Variants in PSAP observed in about 807,000 individuals in gnomAD.
PSAP encodes precursor of saposins.
PSAP carries 25 observed loss-of-function variants against 66.0 expected under a neutral mutation model. The observed-to-expected ratio is 0.38, with a 90% CI of 0.28 to 0.53. The LOEUF (loss-of-function observed/expected upper bound fraction) is 0.53, where lower values mean the gene tolerates loss of function less well. Ranked by LOEUF, PSAP falls within the 20% of genes least tolerant of loss-of-function variation. PSAP has a pLI of 0.83. For missense variants in PSAP, 649 were observed against 668.8 expected (o/e 0.97, Z 0.33); for synonymous variants, 273 against 258.9 (o/e 1.05, Z -0.52).
intron 1 of PSAP, among the ~76,000 whole-genome samples, chr10:71,835,321 G>C (rs1051234697): frequency 2.0e-5 from 3 of 152,112 alleles, no homozygotes; most frequent in African/African-American, 7.2e-5. Context: ...GGTGGCTCAT[G>C]CCTATAATCT....
intron 7 of PSAP, 183 bp downstream of exon 7, chr10:71,825,654 C>T (rs796333720): frequency 1.6e-5 from 11 of 699,354 alleles, no homozygotes; most frequent in African/African-American, 8.7e-5. Context: ...CTGCCTCTCC[C>T]GTAACAGGGG....
chr10:71,848,120 AAG>A (rs1257153036), intron 1 of PSAP, among the ~76,000 whole-genome samples: 1 of 152,152 alleles, frequency 6.6e-6, no homozygotes, highest in African/African-American at 2.4e-5. Context: ...CCATTTGTAA[AAG>A]ATCGAAACTG....
At chr10:71,821,452 T>G (rs557320277) in intron 8 of PSAP, among the ~76,000 whole-genome samples, 1 of 152,210 alleles carries the variant, frequency 6.6e-6, no homozygotes, top group Non-Finnish European at 1.5e-5. Context: ...GACACCCACA[T>G]GTACTTAGTA....
intron 1 of PSAP, among the ~76,000 whole-genome samples, chr10:71,849,624 AAAAC>A (rs200590803): frequency 0.018 from 2,698 of 152,114 alleles, 78 homozygotes; most frequent in African/African-American, 0.06. Context: ...ACAAACAAAC[AAAAC>A]AAACAAACAA....
intron 7 of PSAP, 130 bp downstream of exon 7, chr10:71,825,707 T>A: frequency 1.2e-6 from 1 of 827,908 alleles, no homozygotes; most frequent in Middle Eastern, 2.2e-4. Flanking sequence ...GCCAGAGGGG[T>A]CGATTTAGCC....
intron 7 of PSAP, among the ~76,000 whole-genome samples, chr10:71,824,353 G>A (rs1301775290): frequency 1.3e-5 from 2 of 152,174 alleles, no homozygotes; most frequent in Admixed American, 1.3e-4. Flanking sequence ...TCCCTGAGGG[G>A]TAAGGGATCC....
chr10:71,819,976 A>G, intron 9 of PSAP, 76 bp from the exon 10 acceptor site: 1 of 1,275,250 alleles, frequency 7.8e-7, no homozygotes, highest in Non-Finnish European at 1.1e-6. Context: ...AAATACTAAC[A>G]TGGCCAGGAA....
rs183512475 is a variant in PSAP at position 71,821,794 on chromosome 10, A to G, written c.909+82T>C. On this transcript the variant is annotated intron_variant, in intron 8 of 13. Transcript: ENST00000394936. ...GGCAGGGAACCGAAAGAAACAAGTG[A>G]CTCGTAAGATGTGATGTGACACAGC... 20 of 1,585,460 alleles carry G rather than the reference A, an allele frequency of 1.3e-5. No homozygotes were observed. In the Admixed American group the frequency reaches 1.9e-4, roughly 15 times the overall value.
At chr10:71,823,050 C>T (rs1475184374) in intron 7 of PSAP, among the ~76,000 whole-genome samples, 1 of 151,604 alleles carries the variant, frequency 6.6e-6, no homozygotes, top group African/African-American at 2.4e-5. Flanking sequence ...AGGTATAGGG[C>T]TGCTTCTGCC....
chr10:71,832,107 G>A (rs1025954355), intron 2 of PSAP, among the ~76,000 whole-genome samples, 187 bp from the exon 3 acceptor site: 1 of 152,154 alleles, frequency 6.6e-6, no homozygotes, highest in Non-Finnish European at 1.5e-5. Flanking sequence ...GGGAAGAGGT[G>A]TGACTCACCA....
chr10:71,843,177 G>C (rs6480561), intron 1 of PSAP, among the ~76,000 whole-genome samples: 68,020 of 151,906 alleles, frequency 0.45, 16,438 homozygotes, highest in Middle Eastern at 0.57. Context: ...CGAATGCACA[G>C]AGAGGAAGCC....
At chr10:71,820,815 G>A (rs2133033939) in intron 8 of PSAP, among the ~76,000 whole-genome samples, 1 of 152,294 alleles carries the variant, frequency 6.6e-6, no homozygotes, top group East Asian at 1.9e-4. Context: ...ATGCTCTTCT[G>A]GAACCCACCT....
chr10:71,823,565 T>A (rs1842345261), intron 7 of PSAP, among the ~76,000 whole-genome samples: 1 of 152,206 alleles, frequency 6.6e-6, no homozygotes, highest in Non-Finnish European at 1.5e-5. Context: ...AGGCACCTCC[T>A]GGGCCACCCA....
At chr10:71,823,678 G>T (rs912257263) in intron 7 of PSAP, among the ~76,000 whole-genome samples, 1 of 152,162 alleles carries the variant, frequency 6.6e-6, no homozygotes, top group African/African-American at 2.4e-5. Flanking sequence ...GGACCCCGAA[G>T]GGGAGATGAG....
Position 71,819,553 on chromosome 10 carries a change from CGAT to C in PSAP, c.1259_1261del (p.Asp420_Arg421delinsGly). ...CTTGGTGCTGTTTTTCTCCAGGTTG[CGAT>C]CCAAATAACCCACCAGCTTCTTGCA... On this transcript the variant is annotated inframe_deletion, in exon 11 of 14. Coordinates refer to ENST00000394936, the MANE Select transcript of PSAP (RefSeq NM_002778.4). The C allele has an allele frequency of 6.2e-7, 1 of 1,614,190 alleles. No individual in the cohort carries two copies. Among genetic ancestry groups the C allele is most frequent in the South Asian group, 1.1e-5 (1 of 91,086 alleles).
Position 71,831,143 on chromosome 10 carries a change from T to C in PSAP, c.358A>G (p.Ile120Val), listed in dbSNP as rs142784765. Residue 120 changes from isoleucine to valine, a missense_variant, in exon 4 of 14, where the codon ATC becomes GTC. Ile to Val is a conservative substitution (Grantham distance 29, BLOSUM62 3). Coordinates refer to ENST00000394936, the MANE Select transcript of PSAP (RefSeq NM_002778.4). ...VDSYLPVILD[I>V]IKGEMSRPGE... ...TCACTTACCATTTCTCCTTTAATGA[T>C]GTCCAGGATGACAGGGAGGTAGGAG... is the stretch of plus-strand genomic sequence containing the variant. 1.9e-5 allele frequency: 30 copies of C among 1,614,034 alleles called. No individual in the cohort carries two copies. The highest frequency in any genetic ancestry group is 5.0e-5 in the Admixed American group (3 of 60,002).
At chr10:71,848,044 CCTA>C (rs776666223) in intron 1 of PSAP, among the ~76,000 whole-genome samples, 1 of 152,230 alleles carries the variant, frequency 6.6e-6, no homozygotes, top group Non-Finnish European at 1.5e-5. Context: ...ATGCCTTACA[CCTA>C]GCTGATGAAC....
chr10:71,842,246 A>G (rs1384378478), intron 1 of PSAP, among the ~76,000 whole-genome samples: 2 of 152,258 alleles, frequency 1.3e-5, no homozygotes, highest in Non-Finnish European at 2.9e-5. Flanking sequence ...ACATTGCAAC[A>G]GACTGAATGC....
chr10:71,841,088 A>G (rs1214911065), intron 1 of PSAP, among the ~76,000 whole-genome samples: 2 of 152,244 alleles, frequency 1.3e-5, no homozygotes, highest in Non-Finnish European at 2.9e-5. Flanking sequence ...AGGACTATCC[A>G]GATTCCAGCC....
Sources: allele counts gnomAD v4.1 joint callset (sites outside exome capture counted in the v4.1 genomes callset), GRCh38; gene constraint gnomAD v4.1.1; transcripts MANE v1.5; gene names NCBI Gene and HGNC (gene_info 2026-07-23, HGNC 2026-07-21).